The following CTDSPL variants were observed in gnomAD, a reference collection of about 807,000 sequenced individuals.
The protein encoded by CTDSPL is CTD small phosphatase-like protein.
Under a neutral mutation model 30.5 loss-of-function variants are expected in CTDSPL, and 8 were observed. The observed-to-expected ratio is 0.26, with a 90% CI of 0.15 to 0.47. The LOEUF is 0.47. Among genes scored for constraint, CTDSPL ranks in the 20% least tolerant of loss-of-function variants. The pLI, the probability that CTDSPL is intolerant of heterozygous loss-of-function variation, is 0.99. For missense variants in CTDSPL, 248 were observed against 366.1 expected (o/e 0.68, Z 2.63); for synonymous variants, 110 against 137.9 (o/e 0.80, Z 1.42).
intron 1 of CTDSPL, among the ~76,000 whole-genome samples, chr3:37,880,108 A>T (rs1318407100): frequency 6.7e-6 from 1 of 148,512 alleles, no homozygotes; most frequent in Admixed American, 6.8e-5. Flanking sequence ...ACAGTGTACC[A>T]AGTAATATTA....
intron 1 of CTDSPL, among the ~76,000 whole-genome samples, chr3:37,921,208 T>C (rs1698709506): frequency 6.6e-6 from 1 of 152,076 alleles, no homozygotes; most frequent in African/African-American, 2.4e-5. Flanking sequence ...GGTAACAGAG[T>C]CTAGCTTCTG....
At chr3:37,899,765 C>G (rs775509659) in intron 1 of CTDSPL, among the ~76,000 whole-genome samples, 2 of 152,162 alleles carry the variant, frequency 1.3e-5, no homozygotes, top group Admixed American at 6.5e-5. Flanking sequence ...TAGGCAGTTG[C>G]AATGGAGTAT....
chr3:37,972,799 T>C lies in CTDSPL; in HGVS notation c.519+1300T>C, dbSNP rs572947663. Among the ~76,000 whole-genome samples, 7 of 152,316 alleles carry C rather than the reference T, an allele frequency of 4.6e-5. 1 individual carries two copies. The South Asian group carries it at 1.5e-3, about 32-fold the overall frequency. On this transcript the variant is annotated intron_variant, in intron 6 of 7. Coordinates refer to ENST00000273179, the MANE Select transcript of CTDSPL (RefSeq NM_001008392.2). ...ACTCTGATGGGGCTGACACCATCCA[T>C]TTGTTGGTAGCACCACAGTTGTCTC...
intron 2 of CTDSPL, among the ~76,000 whole-genome samples, chr3:37,952,896 C>T (rs1038249678): frequency 1.3e-5 from 2 of 152,238 alleles, no homozygotes; most frequent in Non-Finnish European, 2.9e-5. Context: ...CATGCTACTT[C>T]TTTATAATGG....
Position 37,964,571 on chromosome 3 carries a change from C to A in CTDSPL, c.268C>A (p.Pro90Thr). ...DQRQVIPIPSPPAKYLLPEVT... is the reference protein window; with the variant it reads ...DQRQVIPIPSTPAKYLLPEVT... ...ATACTGATTTATTTTTCCCCTTTAGCCACCAGCTAAGTACCTTCTTCCAGA... is the reference window on the plus strand; with the variant it reads ...ATACTGATTTATTTTTCCCCTTTAGACACCAGCTAAGTACCTTCTTCCAGA... Residue 90 changes from proline to threonine, a missense_variant and splice_region_variant, in exon 4 of 8, where the codon CCA becomes ACA. Transcript: ENST00000273179. 6.2e-7 allele frequency: 1 copy of A among 1,609,934 alleles called. No homozygotes were observed. Among genetic ancestry groups the A allele is most frequent in the Non-Finnish European group, 8.5e-7 (1 of 1,176,726 alleles).
Position 37,947,155 on chromosome 3 carries a change from C to A in CTDSPL, c.178C>A (p.Pro60Thr). 6.2e-7 allele frequency: 1 copy of A among 1,613,012 alleles called. No homozygotes were observed. The highest frequency in any genetic ancestry group is 8.5e-7 in the Non-Finnish European group (1 of 1,179,976). The change falls in exon 2 of 8, where the codon CCC (proline) becomes ACC (threonine). Residue 60 changes from proline to threonine, a missense_variant. Pro to Thr is a conservative substitution (Grantham distance 38). Coordinates refer to ENST00000273179, the MANE Select transcript of CTDSPL (RefSeq NM_001008392.2). ...TGATTACAATGTGGAGGCCCCTCCACCCAGCAGCCCCAGTGTGCTTCCGCC... is the reference window on the plus strand; with the variant it reads ...TGATTACAATGTGGAGGCCCCTCCAACCAGCAGCCCCAGTGTGCTTCCGCC... ...FRDYNVEAPPPSSPSVLPPLV... is the reference protein window; with the variant it reads ...FRDYNVEAPPTSSPSVLPPLV...
At chr3:37,865,604 T>A (rs981882197) in intron 1 of CTDSPL, among the ~76,000 whole-genome samples, 1 of 152,220 alleles carries the variant, frequency 6.6e-6, no homozygotes, top group African/African-American at 2.4e-5. Flanking sequence ...AGTTTATTCT[T>A]CCCACATAAT....
intron 5 of CTDSPL, among the ~76,000 whole-genome samples, chr3:37,969,700 G>C (rs776350969): frequency 6.6e-6 from 1 of 152,194 alleles, no homozygotes; most frequent in Non-Finnish European, 1.5e-5. Flanking sequence ...CACAGGCCCT[G>C]CCCTCAGCCC....
At chr3:37,968,241 C>T (rs1317348651) in intron 5 of CTDSPL, 6 of 461,370 alleles carry the variant, frequency 1.3e-5, no homozygotes, top group Admixed American at 9.7e-5. Context: ...TGCCACAAGT[C>T]ACCCACTTAT....
intron 1 of CTDSPL, among the ~76,000 whole-genome samples, chr3:37,863,295 T>G (rs1697967477): frequency 6.6e-6 from 1 of 152,190 alleles, no homozygotes. Context: ...GCACTGTGCT[T>G]CTGTGCCTGA....
At chr3:37,874,797 T>G (rs1698117533) in intron 1 of CTDSPL, among the ~76,000 whole-genome samples, 1 of 152,098 alleles carries the variant, frequency 6.6e-6, no homozygotes, top group South Asian at 2.1e-4. Context: ...AGTTTCTTCA[T>G]TTGCTTTGAT....
Position 37,984,071 on chromosome 3 carries a change from A to G in CTDSPL, c.*3204A>G. On this transcript the variant is annotated 3_prime_UTR_variant, in exon 8 of 8. Coordinates refer to ENST00000273179, the MANE Select transcript of CTDSPL (RefSeq NM_001008392.2). ...GAACCACACAGCCCTATGGTCAAAC[A>G]ATCCTACGTTTGTGCCTCTGCTTTT... is the stretch of plus-strand genomic sequence containing the variant. The G allele has an allele frequency of 2.7e-6, 1 of 369,934 alleles. No homozygotes were observed. The allele number at this position is 369,934 out of a possible 1,614,324, so 22.9% of individuals were successfully genotyped here. A position where few individuals can be genotyped will look rare whatever the true frequency, so the allele number is the denominator to read the frequency against.
Position 37,973,028 on chromosome 3 carries a change from C to T in CTDSPL, c.519+1529C>T, listed in dbSNP as rs180932255. Among the ~76,000 whole-genome samples the T allele has an allele frequency of 6.5e-3, 988 of 152,340 alleles. 9 individuals carry two copies. The highest frequency in any genetic ancestry group is 9.3e-3 in the South Asian group (45 of 4,830). ...CCTGGCCATTGCTGGTTGGGTCCAT[C>T]TCTGTGATGATTGAGGGGCGGGAGA... On this transcript the variant is annotated intron_variant, in intron 6 of 7. Transcript: ENST00000273179.
At chr3:37,898,917 A>G (rs11713329) in intron 1 of CTDSPL, among the ~76,000 whole-genome samples, 16,415 of 152,242 alleles carry the variant, frequency 0.11, 967 homozygotes, top group Middle Eastern at 0.17. Flanking sequence ...ATTCTAGGCA[A>G]AGAAAACAGC....
chr3:37,948,111 C>G (rs915354443), intron 2 of CTDSPL, among the ~76,000 whole-genome samples: 1 of 152,112 alleles, frequency 6.6e-6, no homozygotes, highest in African/African-American at 2.4e-5. Context: ...TGGCGAAACC[C>G]CTTCTGTAGC....
chr3:37,927,256 T>C (rs1205845873), intron 1 of CTDSPL, among the ~76,000 whole-genome samples: 1 of 152,124 alleles, frequency 6.6e-6, no homozygotes, highest in Non-Finnish European at 1.5e-5. Flanking sequence ...GAAAAGGTGC[T>C]CAAAGATGGT....
At chr3:37,954,589 G>C (rs1015774450) in intron 2 of CTDSPL, 2 of 152,362 alleles carry the variant, frequency 1.3e-5, no homozygotes, top group African/African-American at 4.8e-5. Context: ...GAGGAAGAAG[G>C]AAGGCCATGG....
chr3:37,980,881 C>G lies in CTDSPL; in HGVS notation c.*14C>G, dbSNP rs1009697243. ...TGCAATAGGTAGCCCTGGCCTCTGCCTGCCTCCCGCCTGTGCACTCTGGAA... is the reference window on the plus strand; with the variant it reads ...TGCAATAGGTAGCCCTGGCCTCTGCGTGCCTCCCGCCTGTGCACTCTGGAA... On this transcript the variant is annotated 3_prime_UTR_variant, in exon 8 of 8. Transcript: ENST00000273179. The G allele has an allele frequency of 4.3e-6, 7 of 1,612,146 alleles. No individual in the cohort carries two copies. The highest frequency in any genetic ancestry group is 5.1e-6 in the Non-Finnish European group (6 of 1,178,884).
intron 2 of CTDSPL, among the ~76,000 whole-genome samples, chr3:37,948,227 T>G (rs1413490982): frequency 6.6e-6 from 1 of 151,886 alleles, no homozygotes; most frequent in African/African-American, 2.4e-5. Flanking sequence ...GAGGTTGCAG[T>G]GAGCCAAGAT....
Sources: gnomAD v4.1 joint callset for allele counts (sites outside exome capture counted in the v4.1 genomes callset) on GRCh38, gnomAD v4.1.1 for gene constraint, MANE v1.5 for transcripts, NCBI Gene and HGNC (gene_info 2026-07-23, HGNC 2026-07-21) for gene names.